FCGR3B: variants seen among roughly 807,000 people sequenced by gnomAD.
FCGR3B encodes low affinity immunoglobulin gamma Fc region receptor III-B.
A neutral mutation model predicts 26.7 loss-of-function variants in FCGR3B; 20 were observed. The ratio of observed to expected loss-of-function variants is 0.75; its 90% CI spans 0.53 to 1.09. The LOEUF is 1.09. Ranked by LOEUF, FCGR3B falls within the 50% of genes least tolerant of loss-of-function variation. The pLI is 0.00. For missense variants in FCGR3B, 191 were observed against 279.7 expected (o/e 0.68, Z 2.26); for synonymous variants, 79 against 107.0 (o/e 0.74, Z 1.62).
intron 3 of FCGR3B, 33 bp from the exon 4 acceptor site, chr1:161,626,435 G>A (rs1419180148): frequency 1.9e-6 from 3 of 1,604,862 alleles, no homozygotes; most frequent in Non-Finnish European, 1.7e-6. Flanking sequence ...AGGCCCGGGA[G>A]GCCTCAGCTC....
upstream of FCGR3B, chr1:161,631,326 G>C: frequency 9.7e-7 from 1 of 1,027,502 alleles, no homozygotes. Context: ...AGGTGGGTGG[G>C]TGTGCCCCCT....
At chr1:161,626,431 G>C (rs199850917) in intron 3 of FCGR3B, 29 bp from the exon 4 acceptor site, 1 of 1,605,910 alleles carries the variant, frequency 6.2e-7, no homozygotes, top group Non-Finnish European at 8.5e-7. Flanking sequence ...CCCCAGGCCC[G>C]GGAGGCCTCA....
At chr1:161,626,424 C>G (rs539705232) in intron 3 of FCGR3B, 22 bp from the exon 4 acceptor site, 15 of 1,607,466 alleles carry the variant, frequency 9.3e-6, no homozygotes, top group Non-Finnish European at 4.2e-6. Context: ...AGAGACACCC[C>G]AGGCCCGGGA....
rs1679721055 is a variant in FCGR3B, at chr1:161,631,006, A to T, written c.40+49T>A. ...TAGCCTGAAAAGGGGTGTCTGATGA[A>T]CCCAAGGCATCTCAAACTTCTCCCT... On this transcript the variant is annotated intron_variant, in intron 1 of 4. Coordinates refer to ENST00000650385, the MANE Select transcript of FCGR3B (RefSeq NM_001244753.2). 1.3e-5 allele frequency: 21 copies of T among 1,572,002 alleles called. 2 individuals are homozygous for T. Among genetic ancestry groups the T allele is most frequent in the Non-Finnish European group, 1.6e-5 (19 of 1,159,404 alleles).
In FCGR3B at chr1:161,624,428, C is replaced by T. The variant is rs1441852049; in HGVS notation, c.*87G>A. The T allele has an allele frequency of 3.0e-5, 44 of 1,467,406 alleles. 2 individuals are homozygous for T. The East Asian group carries it at 4.3e-4, about 14-fold the overall frequency. 90.9% of individuals were successfully genotyped at this position (1,467,406 alleles called of 1,614,324 possible). ...GTTCAGAGATGCTGCTGCCACTGCTCTTATTACCCCCATGGGATGGGGGTC... is the reference window on the plus strand; with the variant it reads ...GTTCAGAGATGCTGCTGCCACTGCTTTTATTACCCCCATGGGATGGGGGTC... On this transcript the variant is annotated 3_prime_UTR_variant, in exon 5 of 5. Transcript: ENST00000650385.
upstream of FCGR3B, chr1:161,631,454 A>C (rs551385102): frequency 3.2e-5 from 17 of 537,232 alleles, 1 homozygote. Context: ...TCCACCCAGC[A>C]CCAAGAATGG....
rs1186621312 is a variant in FCGR3B at position 161,630,554 on chromosome 1, C to G, written c.41-166G>C. On this transcript the variant is annotated intron_variant, in intron 1 of 4. Coordinates refer to ENST00000650385, the MANE Select transcript of FCGR3B (RefSeq NM_001244753.2). ...AACCTTGCTACCTGCTCTCTGGTCT[C>G]CACTGTTCATGCCTCTTGCGCCACT... 4.2e-5 allele frequency among the ~76,000 whole-genome samples: 6 copies of G among 144,016 alleles called. 1 individual carries two copies. Among genetic ancestry groups the G allele is most frequent in the African/African-American group, 1.6e-4 (6 of 37,188 alleles). The allele number at this position is 144,016 out of a possible 152,430, so 94.5% of individuals were successfully genotyped here.
At chr1:161,630,828 A>T (rs1333315726) in intron 1 of FCGR3B, 2 of 1,012,400 alleles carry the variant, frequency 2.0e-6, no homozygotes, top group Non-Finnish European at 2.7e-6. Flanking sequence ...TCTGGGACCC[A>T]GAGGGGTGAA....
chr1:161,631,242 T>C, upstream of FCGR3B: 2 of 1,546,776 alleles, frequency 1.3e-6, 1 homozygote, highest in African/African-American at 2.8e-5. Flanking sequence ...AAACTTCATC[T>C]GATTTCTCAA....
intron 2 of FCGR3B, 121 bp downstream of exon 2, chr1:161,630,247 A>T: frequency 1.0e-6 from 1 of 968,748 alleles, no homozygotes; most frequent in Non-Finnish European, 1.6e-6. Flanking sequence ...GTGTTGGAGG[A>T]ACTATCCCTG....
intron 2 of FCGR3B, 55 bp downstream of exon 2, chr1:161,630,313 C>T: frequency 6.4e-7 from 1 of 1,555,844 alleles, no homozygotes; most frequent in Non-Finnish European, 8.8e-7. Flanking sequence ...ATCTTATGGC[C>T]ATTGTCCCCA....
chr1:161,625,082 A>G (rs1679394541), intron 4 of FCGR3B, among the ~76,000 whole-genome samples: 1 of 144,006 alleles, frequency 6.9e-6, no homozygotes, highest in Admixed American at 7.1e-5. Context: ...TCCTTTACCC[A>G]GATCCACTCA....
rs1679546254 is a variant in FCGR3B at position 161,627,982 on chromosome 1, A to T, written c.320-1580T>A. On this transcript the variant is annotated intron_variant, in intron 3 of 4. Transcript: ENST00000650385. The stretch of plus-strand genomic sequence containing the variant: ...TAAAGAAATTCTGCCTGAAAGAAGT[A>T]AAAAATGCAGGCTGGGCGCGGTGGC... Among the ~76,000 whole-genome samples the T allele has an allele frequency of 2.7e-5, 4 of 150,492 alleles. 1 individual carries two copies. In the South Asian group the frequency reaches 6.3e-4, roughly 24 times the overall value.
At position 161,624,401 on chromosome 1, in the gene FCGR3B, A is replaced by T. The variant is rs1679355985; in HGVS notation, c.*114T>A. 6 of 1,264,042 alleles carry T rather than the reference A, an allele frequency of 4.7e-6. 1 individual carries two copies. Among genetic ancestry groups the T allele is most frequent in the Non-Finnish European group, 6.7e-6 (6 of 901,988 alleles). 78.3% of individuals were successfully genotyped at this position (1,264,042 alleles called of 1,614,324 possible). The stretch of plus-strand genomic sequence containing the variant: ...ATGATGGGGTTGCAAATCCAGAGAA[A>T]TGTTCAGAGATGCTGCTGCCACTGC... On this transcript the variant is annotated 3_prime_UTR_variant, in exon 5 of 5. Transcript: ENST00000650385.
intron 4 of FCGR3B, 85 bp from the exon 5 acceptor site, chr1:161,624,724 G>A: frequency 2.2e-6 from 3 of 1,359,002 alleles, no homozygotes; most frequent in Admixed American, 2.0e-5. Context: ...CCAGTAGAGA[G>A]TCTTTGACAA....
At position 161,628,359 on chromosome 1, in the gene FCGR3B, A is replaced by T. The variant is rs539292395; in HGVS notation, c.319+1419T>A. On this transcript the variant is annotated intron_variant, in intron 3 of 4. Coordinates refer to ENST00000650385, the MANE Select transcript of FCGR3B (RefSeq NM_001244753.2). ...CATAAGTGAAATGGGTCCTAAAGGA[A>T]TAAAGGATGCTCAGAAGTTTACCTG... is the stretch of plus-strand genomic sequence containing the variant. Among the ~76,000 whole-genome samples, 861 of 150,220 alleles carry T rather than the reference A, an allele frequency of 5.7e-3. 58 individuals are homozygous for T. The highest frequency in any genetic ancestry group is 0.015 in the African/African-American group (618 of 40,430).
chr1:161,628,122 A>C (rs553655617), intron 3 of FCGR3B, among the ~76,000 whole-genome samples: 17 of 149,768 alleles, frequency 1.1e-4, no homozygotes, highest in Non-Finnish European at 2.2e-4. Flanking sequence ...AAATACAAAA[A>C]ATTAGCCGGG....
chr1:161,631,309 G>T, upstream of FCGR3B: 2 of 1,235,688 alleles, frequency 1.6e-6, no homozygotes, highest in Non-Finnish European at 2.2e-6. Flanking sequence ...GAAAGAGCCT[G>T]GAGGCAAGGT....
rs1275845548 is a variant in FCGR3B at position 161,627,223 on chromosome 1, G to T, written c.320-821C>A. 8.0e-5 allele frequency among the ~76,000 whole-genome samples: 12 copies of T among 149,768 alleles called. 1 individual carries two copies. The East Asian group carries it at 1.4e-3, about 17-fold the overall frequency. On this transcript the variant is annotated intron_variant, in intron 3 of 4. Coordinates refer to ENST00000650385, the MANE Select transcript of FCGR3B (RefSeq NM_001244753.2). The stretch of plus-strand genomic sequence containing the variant: ...CATAAGAAAATATTCATGAGACAAT[G>T]TTAAGTTAAAAAAGCATAATACTTC...
Sources: gnomAD v4.1 joint callset for allele counts (sites outside exome capture counted in the v4.1 genomes callset) on GRCh38, gnomAD v4.1.1 for gene constraint, MANE v1.5 for transcripts, NCBI Gene and HGNC (gene_info 2026-07-23, HGNC 2026-07-21) for gene names.